DPP6: variants seen among roughly 807,000 people sequenced by gnomAD.
The protein encoded by DPP6 is A-type potassium channel modulatory protein DPP6.
DPP6 carries 69 observed loss-of-function variants against 122.6 expected under a neutral mutation model. The observed-to-expected ratio is 0.56, with a 90% CI of 0.46 to 0.69. DPP6 has a LOEUF of 0.69. Ranked by LOEUF, DPP6 falls within the 30% of genes least tolerant of loss-of-function variation. The pLI is 0.00. For synonymous variants in DPP6, 418 were observed against 433.1 expected (o/e 0.97, Z 0.43); for missense variants, 928 against 1,116.9 (o/e 0.83, Z 2.41).
chr7:154,136,014 CA>C (rs1462871071), intron 1 of DPP6, among the ~76,000 whole-genome samples: 1 of 152,244 alleles, frequency 6.6e-6, no homozygotes, highest in Admixed American at 6.5e-5. Context: ...CTCACCTGCA[CA>C]ATCACTCTTG....
At chr7:154,352,680 T>TGTGG (rs549132371) in intron 1 of DPP6, among the ~76,000 whole-genome samples, 124 of 144,744 alleles carry the variant, frequency 8.6e-4, no homozygotes, top group African/African-American at 3.0e-3. Context: ...TATTGGGGGG[T>TGTGG]GTGGGGTAAG....
At chr7:154,330,875 G>C (rs1808869126) in intron 1 of DPP6, among the ~76,000 whole-genome samples, 1 of 152,178 alleles carries the variant, frequency 6.6e-6, no homozygotes, top group African/African-American at 2.4e-5. Flanking sequence ...AGGCAGGGCA[G>C]AGCAGCTGTA....
the DPP6 span, among the ~76,000 whole-genome samples, chr7:153,824,205 A>C: frequency 2.0e-5 from 3 of 151,416 alleles, no homozygotes; most frequent in Admixed American, 1.3e-4. Flanking sequence ...CCTGGCCAAC[A>C]TGGTGAAACC....
At chr7:153,912,915 C>T (rs1422943299) in intron 1 of DPP6, among the ~76,000 whole-genome samples, 1 of 152,078 alleles carries the variant, frequency 6.6e-6, no homozygotes, top group Non-Finnish European at 1.5e-5. Flanking sequence ...CTGAAATAGC[C>T]TTAAAAAAGA....
intron 1 of DPP6, among the ~76,000 whole-genome samples, chr7:153,998,169 C>T (rs1283838821): frequency 6.6e-6 from 1 of 151,726 alleles, no homozygotes; most frequent in Non-Finnish European, 1.5e-5. Flanking sequence ...TTCACAAAGA[C>T]GTATCTCTAG....
intron 18 of DPP6, 144 bp downstream of exon 18, chr7:154,868,237 T>G (rs1804066286): frequency 2.6e-6 from 3 of 1,158,028 alleles, no homozygotes; most frequent in Non-Finnish European, 3.5e-6. Flanking sequence ...TCCTCTGGCA[T>G]GGAGTGTCTT....
At chr7:154,054,919 A>T (rs532940013) in intron 1 of DPP6, among the ~76,000 whole-genome samples, 33 of 147,152 alleles carry the variant, frequency 2.2e-4, no homozygotes, top group African/African-American at 3.8e-4. Flanking sequence ...ATCTTTTTTT[A>T]AAAAAATCTT....
At chr7:154,409,265 C>T (rs1003641674) in intron 1 of DPP6, among the ~76,000 whole-genome samples, 3 of 152,090 alleles carry the variant, frequency 2.0e-5, no homozygotes, top group African/African-American at 7.2e-5. Context: ...TGACTGGTGT[C>T]CTTATAGGAA....
At chr7:153,844,108 T>C in the DPP6 span, among the ~76,000 whole-genome samples, 4 of 152,320 alleles carry the variant, frequency 2.6e-5, no homozygotes, top group Admixed American at 2.6e-4. Flanking sequence ...CGTCTGTTCA[T>C]AGGCTCTCTT....
rs560887227 is a variant in DPP6, at chr7:154,475,409, C to T, written c.457+372C>T. ...TGAGCTTTCCTTCCTTCTCCACAAT[C>T]TTCATTCCCCTTTGTTCTCTTGCTC... On this transcript the variant is annotated intron_variant, in intron 3 of 25. Transcript: ENST00000377770. The T allele has an allele frequency of 1.0e-4, 31 of 304,044 alleles. No individual in the cohort carries two copies. The East Asian group carries it at 2.7e-3, about 26-fold the overall frequency. The allele number at this position is 304,044 out of a possible 1,614,324, so 18.8% of individuals were successfully genotyped here. A position where few individuals can be genotyped will look rare whatever the true frequency, so the allele number is the denominator to read the frequency against.
At chr7:153,911,476 G>A (rs926646127) in intron 1 of DPP6, among the ~76,000 whole-genome samples, 1 of 152,216 alleles carries the variant, frequency 6.6e-6, no homozygotes, top group African/African-American at 2.4e-5. Flanking sequence ...ATCCCTAGTA[G>A]ATGCTCTCCC....
chr7:154,887,758 A>G (rs1490150994), intron 23 of DPP6, 24 bp downstream of exon 23: 2 of 1,612,798 alleles, frequency 1.2e-6, no homozygotes, highest in Non-Finnish European at 1.7e-6. Flanking sequence ...CAACTAGAGA[A>G]TGTGATGAGA....
At chr7:154,465,524 ACT>A (rs368909620) in intron 2 of DPP6, among the ~76,000 whole-genome samples, 24 of 152,282 alleles carry the variant, frequency 1.6e-4, no homozygotes, top group African/African-American at 5.8e-4. Flanking sequence ...GAAAAAAACA[ACT>A]CTATCAAAAA....
intron 5 of DPP6, among the ~76,000 whole-genome samples, chr7:154,611,096 A>G (rs1451268639): frequency 2.0e-5 from 3 of 152,182 alleles, no homozygotes; most frequent in Admixed American, 6.5e-5. Flanking sequence ...TCATGCAGCC[A>G]TCTCTGCAAA....
At chr7:154,753,054 T>G (rs376451427) in intron 8 of DPP6, among the ~76,000 whole-genome samples, 23 of 152,258 alleles carry the variant, frequency 1.5e-4, no homozygotes, top group African/African-American at 5.5e-4. Context: ...CTGAAGGACC[T>G]GGGAGGCCTC....
chr7:154,477,531 C>A (rs116067745), intron 3 of DPP6, among the ~76,000 whole-genome samples: 5 of 148,938 alleles, frequency 3.4e-5, no homozygotes, highest in South Asian at 2.1e-4. Context: ...CATTCCATGC[C>A]AAAAAAAAAA....
chr7:154,432,894 A>G (rs1818545020), intron 1 of DPP6, among the ~76,000 whole-genome samples: 1 of 152,180 alleles, frequency 6.6e-6, no homozygotes, highest in African/African-American at 2.4e-5. Flanking sequence ...CTCATATGGT[A>G]GTTAAATAAG....
chr7:154,348,312 T>A (rs1371739205), intron 1 of DPP6, among the ~76,000 whole-genome samples: 1 of 152,250 alleles, frequency 6.6e-6, no homozygotes, highest in Non-Finnish European at 1.5e-5. Context: ...GACAGTTCAG[T>A]TATAGGCTTA....
At chr7:153,977,509 TTATC>T (rs1203005074) in intron 1 of DPP6, among the ~76,000 whole-genome samples, 1 of 152,174 alleles carries the variant, frequency 6.6e-6, no homozygotes, top group Non-Finnish European at 1.5e-5. Flanking sequence ...CCCGAGCTGT[TTATC>T]TTTCTTTCTC....
Sources: gnomAD v4.1 joint callset for allele counts (sites outside exome capture counted in the v4.1 genomes callset) on GRCh38, gnomAD v4.1.1 for gene constraint, MANE v1.5 for transcripts, NCBI Gene and HGNC (gene_info 2026-07-23, HGNC 2026-07-21) for gene names.